NPTN: variants seen among roughly 807,000 people sequenced by gnomAD.
The protein encoded by NPTN is neuroplastin.
NPTN carries 5 observed loss-of-function variants against 42.7 expected under a neutral mutation model. That is an observed-to-expected ratio of 0.12 (90% CI 0.06 to 0.25). The LOEUF (loss-of-function observed/expected upper bound fraction) is 0.25, where lower values mean the gene tolerates loss of function less well. Ranked by LOEUF, NPTN falls within the 10% of genes least tolerant of loss-of-function variation. The probability of loss-of-function intolerance (pLI) is 1.00; values close to 1 mark genes in which losing one functional copy is unlikely to be tolerated. For missense variants in NPTN, 307 were observed against 525.4 expected (o/e 0.58, Z 4.06); for synonymous variants, 180 against 201.9 (o/e 0.89, Z 0.92).
intron 3 of NPTN, among the ~76,000 whole-genome samples, chr15:73,590,668 G>C (rs1896545680): frequency 6.6e-6 from 1 of 152,010 alleles, no homozygotes; most frequent in Non-Finnish European, 1.5e-5. Context: ...CCAGCTACTG[G>C]GGAGGATGGC....
chr15:73,597,284 C>A lies in NPTN; in HGVS notation c.177G>T (p.Thr59=). The change falls in exon 2 of 9, where the codon ACG becomes ACT. Residue 59 remains threonine, a synonymous_variant. Coordinates refer to ENST00000345330, the MANE Select transcript of NPTN (RefSeq NM_012428.4). This position sits in a 1 kb window ranked among gnomAD's most constrained non-coding sequence, Gnocchi z 6.3. Reference sequence around the variant, plus strand: ...CTGCGTACCACCACTGGATCTCTGGCGTGGGGCTCCCGACCACGTCACAGT... The same window carrying A: ...CTGCGTACCACCACTGGATCTCTGGAGTGGGGCTCCCGACCACGTCACAGT... ...ELYCDVVGSP[T]PEIQWWYAEV... 6.2e-7 allele frequency: 1 copy of A among 1,613,982 alleles called. No individual in the cohort carries two copies. The highest frequency in any genetic ancestry group is 8.5e-7 in the Non-Finnish European group (1 of 1,179,986).
Position 73,633,269 on chromosome 15 carries a change from G to A in NPTN, c.-54C>T. The A allele has an allele frequency of 1.6e-6, 2 of 1,260,406 alleles. No individual in the cohort carries two copies. Among genetic ancestry groups the A allele is most frequent in the Non-Finnish European group, 1.1e-6 (1 of 931,030 alleles). The allele number at this position is 1,260,406 out of a possible 1,614,324, so 78.1% of individuals were successfully genotyped here. A position where few individuals can be genotyped will look rare whatever the true frequency, so the allele number is the denominator to read the frequency against. The stretch of plus-strand genomic sequence containing the variant: ...TGGGCCGGGGCCAGAGCCGGGGCCG[G>A]GGAAGGGAGGGGAGGGAGGGAGGGG... On this transcript the variant is annotated 5_prime_UTR_variant, in exon 1 of 9. Coordinates refer to ENST00000345330, the MANE Select transcript of NPTN (RefSeq NM_012428.4).
At position 73,570,011 on chromosome 15, in the gene NPTN, G is replaced by A. The variant is rs1895275464; in HGVS notation, c.1114+139C>T. On this transcript the variant is annotated intron_variant, in intron 6 of 8. Coordinates refer to ENST00000345330, the MANE Select transcript of NPTN (RefSeq NM_012428.4). This position sits in a 1 kb window ranked among gnomAD's most constrained non-coding sequence, Gnocchi z 4.0. ...AATAAAAAACTCTTACGGGTAGGGG[G>A]TTAGGAACTGGTATAAGAATTTTCC... 6.5e-6 allele frequency: 5 copies of A among 763,896 alleles called. No homozygotes were observed. Among genetic ancestry groups the A allele is most frequent in the African/African-American group, 1.8e-5 (1 of 55,876 alleles). The allele number at this position is 763,896 out of a possible 1,614,324, so 47.3% of individuals were successfully genotyped here.
At chr15:73,580,569 T>TTATATATGTATATACATGTTATATATG (rs1255880244) in intron 4 of NPTN, among the ~76,000 whole-genome samples, 7 of 139,482 alleles carry the variant, frequency 5.0e-5, no homozygotes, top group East Asian at 2.0e-4. Flanking sequence ...TATATACATG[T>TTATATATGTATATACATGTTATATATG]TATATATGTA....
At chr15:73,575,544 G>C (rs766145806) in intron 4 of NPTN, among the ~76,000 whole-genome samples, 78 of 152,314 alleles carry the variant, frequency 5.1e-4, no homozygotes, top group Middle Eastern at 3.4e-3. Flanking sequence ...CGTTATTCTG[G>C]GCTTTGCTGC....
At position 73,630,243 on chromosome 15, in the gene NPTN, C is replaced by G. The variant is rs184407813; in HGVS notation, c.91+2882G>C. 5.3e-4 allele frequency among the ~76,000 whole-genome samples: 80 copies of G among 152,290 alleles called. 1 individual carries two copies. Among genetic ancestry groups the G allele is most frequent in the African/African-American group, 1.9e-3 (78 of 41,560 alleles). Reference sequence around the variant, plus strand: ...TGATGAAACTGAAGTTTGCATTACTCAAGATCACTCAGCTACTGACAGCTG... The same window carrying G: ...TGATGAAACTGAAGTTTGCATTACTGAAGATCACTCAGCTACTGACAGCTG... On this transcript the variant is annotated intron_variant, in intron 1 of 8. Coordinates refer to ENST00000345330, the MANE Select transcript of NPTN (RefSeq NM_012428.4).
At chr15:73,620,994 T>C (rs371801093) in intron 1 of NPTN, among the ~76,000 whole-genome samples, 12 of 152,226 alleles carry the variant, frequency 7.9e-5, no homozygotes, top group Non-Finnish European at 1.8e-4. Flanking sequence ...GGACATCAGA[T>C]TGTTTTTTCT....
intron 1 of NPTN, among the ~76,000 whole-genome samples, chr15:73,613,918 T>C (rs2141456250): frequency 6.6e-6 from 1 of 152,228 alleles, no homozygotes; most frequent in East Asian, 1.9e-4. Flanking sequence ...ACTCTTGACC[T>C]TGAGTGATCT....
intron 1 of NPTN, among the ~76,000 whole-genome samples, chr15:73,601,785 C>G (rs2141417887): frequency 6.6e-6 from 1 of 152,294 alleles, no homozygotes; most frequent in East Asian, 1.9e-4. Context: ...TTCAGAGCAA[C>G]AGTGATAAAG....
In NPTN at chr15:73,597,353, C is replaced by T. The variant is rs773916309; in HGVS notation, c.108G>A (p.Ser36=). The change falls in exon 2 of 9, where the codon TCG becomes TCA. Residue 36 remains serine (S), a synonymous_variant. Transcript: ENST00000345330. This position sits in a 1 kb window ranked among gnomAD's most constrained non-coding sequence, Gnocchi z 6.3. ...CCGTGAGCTTAGTTTCTGACATGGGCGACTTGACAAACCCAGCTAGAGGGA... is the reference window on the plus strand; with the variant it reads ...CCGTGAGCTTAGTTTCTGACATGGGTGACTTGACAAACCCAGCTAGAGGGA... ...GAAQNAGFVK[S]PMSETKLTGD... The T allele has an allele frequency of 2.9e-5, 46 of 1,609,526 alleles. No individual in the cohort carries two copies. The highest frequency in any genetic ancestry group is 1.0e-4 in the Admixed American group (6 of 59,658).
chr15:73,605,099 A>AGGCGGGG (rs1402136743), intron 1 of NPTN, among the ~76,000 whole-genome samples: 5 of 121,682 alleles, frequency 4.1e-5, no homozygotes, highest in Admixed American at 1.5e-4. Context: ...CCCTGTCTCA[A>AGGCGGGG]GGGGGGGGGG....
At position 73,570,490 on chromosome 15, in the gene NPTN, C is replaced by T; in HGVS notation, c.841-67G>A. The T allele has an allele frequency of 1.4e-6, 2 of 1,449,488 alleles. No individual in the cohort carries two copies. Among genetic ancestry groups the T allele is most frequent in the Non-Finnish European group, 1.9e-6 (2 of 1,053,738 alleles). The allele number at this position is 1,449,488 out of a possible 1,614,324, so 89.8% of individuals were successfully genotyped here. ...TGAGCTAATGTTCAAGAGAGGGTGA[C>T]ACTGCTCTCCGTTCTTTTTAGGCAC... is the stretch of plus-strand genomic sequence containing the variant. On this transcript the variant is annotated intron_variant, in intron 5 of 8. Coordinates refer to ENST00000345330, the MANE Select transcript of NPTN (RefSeq NM_012428.4). This position sits in a 1 kb window ranked among gnomAD's most constrained non-coding sequence, Gnocchi z 4.0.
chr15:73,582,307 T>C lies in NPTN; in HGVS notation c.706+5217A>G, dbSNP rs568370144. ...CAACCTATCAAATCCCAAAAACACC[T>C]ATCTTTGTGGTGGACAAAATGAACA... On this transcript the variant is annotated intron_variant, in intron 4 of 8. Transcript: ENST00000345330. Among the ~76,000 whole-genome samples, 18 of 152,354 alleles carry C rather than the reference T, an allele frequency of 1.2e-4. No homozygotes were observed. The South Asian group carries it at 3.7e-3, about 32-fold the overall frequency.
chr15:73,625,853 CAT>C lies in NPTN; in HGVS notation c.91+7270_91+7271del, dbSNP rs568035647. On this transcript the variant is annotated intron_variant, in intron 1 of 8. Coordinates refer to ENST00000345330, the MANE Select transcript of NPTN (RefSeq NM_012428.4). ...ATTCATTACTTAATCTATTTTTGTA[CAT>C]GTTTGAAATTCTAAAGATCTAAAAG... 5.8e-3 allele frequency among the ~76,000 whole-genome samples: 887 copies of C among 152,110 alleles called. 8 individuals carry two copies. The highest frequency in any genetic ancestry group is 0.014 in the Middle Eastern group (4 of 294).
chr15:73,599,454 A>T (rs1222041600), intron 1 of NPTN: 1 of 152,234 alleles, frequency 6.6e-6, no homozygotes, highest in Non-Finnish European at 1.5e-5. Context: ...TCTCTACTAT[A>T]AACACAAAAA....
At chr15:73,592,593 T>A (rs1466746092) in intron 2 of NPTN, among the ~76,000 whole-genome samples, 1 of 152,200 alleles carries the variant, frequency 6.6e-6, no homozygotes, top group African/African-American at 2.4e-5. Context: ...AATACATGTA[T>A]AGCTTTCCCC....
intron 2 of NPTN, among the ~76,000 whole-genome samples, chr15:73,594,432 A>G (rs1313200973): frequency 6.6e-6 from 1 of 152,258 alleles, no homozygotes; most frequent in East Asian, 1.9e-4. Context: ...TTAAAGATCC[A>G]GGAGAGAGTC....
At chr15:73,609,404 G>C (rs1326521513) in intron 1 of NPTN, among the ~76,000 whole-genome samples, 1 of 151,584 alleles carries the variant, frequency 6.6e-6, no homozygotes, top group Admixed American at 6.6e-5. Flanking sequence ...GCCAAGGCAG[G>C]TGGATCACCT....
chr15:73,576,225 G>A (rs1325852755), intron 4 of NPTN, among the ~76,000 whole-genome samples: 2 of 152,238 alleles, frequency 1.3e-5, no homozygotes, highest in Non-Finnish European at 2.9e-5. Context: ...CACCAGATAT[G>A]TCAGACTGGT....
Sources: allele counts gnomAD v4.1 joint callset (sites outside exome capture counted in the v4.1 genomes callset), GRCh38; gene constraint gnomAD v4.1.1; non-coding constraint Gnocchi (gnomAD v3.1); transcripts MANE v1.5; gene names NCBI Gene and HGNC (gene_info 2026-07-23, HGNC 2026-07-21).